The following PHRF1 variants were observed in gnomAD, a reference collection of about 807,000 sequenced individuals.
The protein encoded by PHRF1 is PHD and ring finger domains 1.
Under a neutral mutation model 128.9 loss-of-function variants are expected in PHRF1, and 53 were observed. That is an observed-to-expected ratio of 0.41 (90% CI 0.33 to 0.52). The LOEUF is 0.52. Among genes scored for constraint, PHRF1 ranks in the 20% least tolerant of loss-of-function variants. The pLI is 0.21. For synonymous variants in PHRF1, 1,178 were observed against 980.6 expected (o/e 1.20, Z -3.76); for missense variants, 2,503 against 2,284.5 (o/e 1.10, Z -1.95).
In PHRF1 at chr11:607,990, G is replaced by A. The variant is rs771140772; in HGVS notation, c.2534G>A (p.Ser845Asn). The A allele has an allele frequency of 2.5e-6, 4 of 1,611,278 alleles. No individual in the cohort carries two copies. In the South Asian group the frequency reaches 3.3e-5, roughly 13 times the overall value. Residue 845 changes from serine (S) to asparagine (N), a missense_variant, in exon 14 of 18, where the codon AGC (serine) becomes AAC (asparagine). By Grantham distance (46) the Ser-to-Asn change is conservative. Transcript: ENST00000264555. ...PTGSDSSAPGSSPERSGPGLL... is the reference protein window; with the variant it reads ...PTGSDSSAPGNSPERSGPGLL... Reference sequence around the variant, plus strand: ...GGCTCCGACTCCAGCGCCCCTGGCAGCAGCCCCGAGAGGTCTGGCCCCGGC... The same window carrying A: ...GGCTCCGACTCCAGCGCCCCTGGCAACAGCCCCGAGAGGTCTGGCCCCGGC...
intron 11 of PHRF1, 28 bp downstream of exon 11, chr11:605,328 G>C: frequency 6.2e-7 from 1 of 1,605,496 alleles, no homozygotes; most frequent in South Asian, 1.1e-5. Context: ...GGTCCTGCCT[G>C]GGCACCCGCT....
intron 6 of PHRF1, among the ~76,000 whole-genome samples, chr11:593,889 A>T (rs1171995844): frequency 6.6e-6 from 1 of 151,936 alleles, no homozygotes. Context: ...ATGTTTTGTG[A>T]GTTTCCTGAG....
rs745629883 is a variant in PHRF1, at chr11:597,381, G to C, written c.719-14G>C. On this transcript the variant is annotated splice_polypyrimidine_tract_variant and intron_variant, in intron 7 of 17. Coordinates refer to ENST00000264555, the MANE Select transcript of PHRF1 (RefSeq NM_001286581.2). This position sits in a 1 kb window ranked among gnomAD's most constrained non-coding sequence, Gnocchi z 6.5. ...CTGTGAGTGTGGCACATCAGCCCTGGTGGTTCTTCCCAGATGCGGGTCCCG... is the reference window on the plus strand; with the variant it reads ...CTGTGAGTGTGGCACATCAGCCCTGCTGGTTCTTCCCAGATGCGGGTCCCG... 6.8e-6 allele frequency: 11 copies of C among 1,608,288 alleles called. No homozygotes were observed. Among genetic ancestry groups the C allele is most frequent in the Non-Finnish European group, 9.3e-6 (11 of 1,176,730 alleles).
rs374487395 is a variant in PHRF1, at chr11:605,145, C to T, written c.1179C>T (p.Ile393=). The T allele has an allele frequency of 7.8e-5, 125 of 1,612,016 alleles. No individual in the cohort carries two copies. In the African/African-American group the frequency reaches 8.1e-4, roughly 10 times the overall value. The part of the protein sequence containing the change: ...VKSEATTRSR[I]ARTLGLRRPV... ...GTGAAGCCACCACTCGCTCTCGAATCGCGCGGACGCTGGGCCTGCGCAGGC... is the reference window on the plus strand; with the variant it reads ...GTGAAGCCACCACTCGCTCTCGAATTGCGCGGACGCTGGGCCTGCGCAGGC... Residue 393 remains isoleucine (I), a synonymous_variant, in exon 11 of 18, where the codon ATC becomes ATT. Transcript: ENST00000264555.
intron 9 of PHRF1, among the ~76,000 whole-genome samples, chr11:600,418 T>C (rs1437075601): frequency 6.7e-6 from 1 of 150,332 alleles, no homozygotes; most frequent in Non-Finnish European, 1.5e-5. Flanking sequence ...GGCAGGTGGA[T>C]AGCTTGAGGC....
chr11:607,343 C>G lies in PHRF1; in HGVS notation c.1887C>G (p.Ser629Arg). ...GSVPGFRQSHSPWFNGTNKHT... is the reference protein window; with the variant it reads ...GSVPGFRQSHRPWFNGTNKHT... ...TGCCTGGCTTCAGACAGAGCCACAGCCCCTGGTTCAACGGCACCAACAAGC... is the reference window on the plus strand; with the variant it reads ...TGCCTGGCTTCAGACAGAGCCACAGGCCCTGGTTCAACGGCACCAACAAGC... The change falls in exon 14 of 18, where the codon AGC (serine) becomes AGG (arginine). Residue 629 changes from serine to arginine, a missense_variant. Coordinates refer to ENST00000264555, the MANE Select transcript of PHRF1 (RefSeq NM_001286581.2). 6.2e-7 allele frequency: 1 copy of G among 1,612,742 alleles called. No homozygotes were observed. The highest frequency in any genetic ancestry group is 1.1e-5 in the South Asian group (1 of 91,088).
At chr11:605,996 C>G (rs866985660) in intron 12 of PHRF1, among the ~76,000 whole-genome samples, 4 of 152,228 alleles carry the variant, frequency 2.6e-5, no homozygotes, top group African/African-American at 9.6e-5. Context: ...GCCTGAGAGC[C>G]ACCAGCACAG....
At chr11:584,954 T>C (rs1445375662) in intron 3 of PHRF1, among the ~76,000 whole-genome samples, 2 of 152,076 alleles carry the variant, frequency 1.3e-5, no homozygotes, top group Non-Finnish European at 2.9e-5. Context: ...GCCAGGCTGG[T>C]CTTGAACTCC....
chr11:587,114 T>C (rs758561214), intron 3 of PHRF1, 145 bp from the exon 4 acceptor site: 38 of 719,208 alleles, frequency 5.3e-5, no homozygotes, highest in Non-Finnish European at 7.8e-5. Context: ...AGCGTGGACG[T>C]GGAGGTAAGT....
chr11:611,435 C>T (rs1856391102), intron 17 of PHRF1, among the ~76,000 whole-genome samples, 199 bp from the exon 18 acceptor site: 1 of 152,226 alleles, frequency 6.6e-6, no homozygotes, highest in African/African-American at 2.4e-5. Flanking sequence ...GTGGGACCCT[C>T]AGTGGCCTTG....
In PHRF1 at chr11:608,863, A is replaced by G. The variant is rs748242962; in HGVS notation, c.3407A>G (p.Lys1136Arg). 24 of 1,612,362 alleles carry G rather than the reference A, an allele frequency of 1.5e-5. No individual in the cohort carries two copies. The highest frequency in any genetic ancestry group is 2.0e-5 in the Non-Finnish European group (24 of 1,179,796). The change falls in exon 14 of 18, where the codon AAG (lysine) becomes AGG (arginine). Residue 1136 changes from lysine (K) to arginine (R), a missense_variant. By Grantham distance (26) the Lys-to-Arg change is conservative. Transcript: ENST00000264555. Reference protein sequence around the residue: ...TSSLERLCRHKHQRERSHERP... With the variant: ...TSSLERLCRHRHQRERSHERP... Reference sequence around the variant, plus strand: ...AGCCTGGAGAGGCTCTGCAGGCACAAGCATCAGCGGGAACGCAGCCACGAG... The same window carrying G: ...AGCCTGGAGAGGCTCTGCAGGCACAGGCATCAGCGGGAACGCAGCCACGAG...
chr11:606,737 A>G (rs1220099768), intron 13 of PHRF1, 141 bp downstream of exon 13: 53 of 1,258,016 alleles, frequency 4.2e-5, no homozygotes, highest in Non-Finnish European at 5.4e-5. Flanking sequence ...TTCTGCATTG[A>G]TTTCCCTTCT....
chr11:583,296 C>T (rs1448684720), intron 3 of PHRF1, among the ~76,000 whole-genome samples: 2 of 151,994 alleles, frequency 1.3e-5, no homozygotes, highest in African/African-American at 2.4e-5. Context: ...CCAAGATCGC[C>T]ACTGCACTCC....
In PHRF1 at chr11:611,866, A is replaced by T. The variant is rs1458117482; in HGVS notation, c.*89A>T. On this transcript the variant is annotated 3_prime_UTR_variant, in exon 18 of 18. Transcript: ENST00000264555. ...CGGGGAGCTGTCGGGAGTGGCGGGA[A>T]TCGGGGCCATGCCCGGGGAGCTGTC... The T allele has an allele frequency of 2.0e-6, 3 of 1,496,032 alleles. No homozygotes were observed. In the African/African-American group the frequency reaches 4.2e-5, roughly 21 times the overall value. 92.7% of individuals were successfully genotyped at this position (1,496,032 alleles called of 1,614,324 possible).
In PHRF1 at chr11:609,025, A is replaced by G. The variant is rs549787032; in HGVS notation, c.3569A>G (p.His1190Arg). 17 of 1,596,252 alleles carry G rather than the reference A, an allele frequency of 1.1e-5. No individual in the cohort carries two copies. Among genetic ancestry groups the G allele is most frequent in the Admixed American group, 1.1e-4 (6 of 56,762 alleles). Residue 1190 changes from histidine to arginine, a missense_variant, in exon 14 of 18, where the codon CAT (histidine) becomes CGT (arginine). Physicochemically the swap from His to Arg is conservative, Grantham distance 29 (BLOSUM62 0). Transcript: ENST00000264555. Reference sequence around the variant, plus strand: ...GAGAAGTGGCCGCAGACCCGGTCCCATTCCCCAGAGAGGAAGGGGGCTGTG... The same window carrying G: ...GAGAAGTGGCCGCAGACCCGGTCCCGTTCCCCAGAGAGGAAGGGGGCTGTG... ...SREKWPQTRS[H>R]SPERKGAVRE...
chr11:601,607 C>A lies in PHRF1; in HGVS notation c.1058C>A (p.Thr353Asn), dbSNP rs1855630690. The change falls in exon 10 of 18, where the codon ACC becomes AAC. Residue 353 changes from threonine to asparagine, a missense_variant. By Grantham distance (65) the Thr-to-Asn change is moderately conservative. Coordinates refer to ENST00000264555, the MANE Select transcript of PHRF1 (RefSeq NM_001286581.2). ...AAGAAAGTGCCGGGAAGAAAGAAAA[C>A]CCCGTCCGGACCATCCGCAAAAAGT... ...RRKKVPGRKK[T>N]PSGPSAKSKS... The A allele has an allele frequency of 6.2e-7, 1 of 1,613,692 alleles. No homozygotes were observed. Among genetic ancestry groups the A allele is most frequent in the Non-Finnish European group, 8.5e-7 (1 of 1,179,864 alleles).
chr11:593,345 C>G (rs937167730), intron 6 of PHRF1, among the ~76,000 whole-genome samples: 1 of 152,234 alleles, frequency 6.6e-6, no homozygotes, highest in East Asian at 1.9e-4. Context: ...TGAGGCTGCT[C>G]GATCTGGGGC....
In PHRF1 at chr11:607,082, G is replaced by C. The variant is rs202034943; in HGVS notation, c.1626G>C (p.Gln542His). The C allele has an allele frequency of 4.6e-5, 72 of 1,555,014 alleles. No individual in the cohort carries two copies. Among genetic ancestry groups the C allele is most frequent in the Non-Finnish European group, 5.7e-5 (66 of 1,149,660 alleles). ...GTTTTTTAGCTCCAGTTTCTTTTCAGCGAAACTCAGGCAGTCTGTCCAGAG... is the reference window on the plus strand; with the variant it reads ...GTTTTTTAGCTCCAGTTTCTTTTCACCGAAACTCAGGCAGTCTGTCCAGAG... ...SAKRAAPVSF[Q>H]RNSGSLSRGE... Residue 542 changes from glutamine (Q) to histidine (H), a missense_variant, in exon 14 of 18, where the codon CAG (glutamine) becomes CAC (histidine). By Grantham distance (24) the Gln-to-His change is conservative. Coordinates refer to ENST00000264555, the MANE Select transcript of PHRF1 (RefSeq NM_001286581.2).
intron 3 of PHRF1, among the ~76,000 whole-genome samples, chr11:582,811 A>T (rs1479347222): frequency 6.7e-6 from 1 of 149,368 alleles, no homozygotes; most frequent in African/African-American, 2.4e-5. Context: ...GGCGTGAGCC[A>T]CCGCGCCCGG....
Sources: allele counts gnomAD v4.1 joint callset (sites outside exome capture counted in the v4.1 genomes callset), GRCh38; gene constraint gnomAD v4.1.1; non-coding constraint Gnocchi (gnomAD v3.1); transcripts MANE v1.5; gene names NCBI Gene and HGNC (gene_info 2026-07-23, HGNC 2026-07-21).